ARHGEF10L: variants seen among roughly 807,000 people sequenced by gnomAD.
ARHGEF10L encodes the protein Rho guanine nucleotide exchange factor 10 like.
Under a neutral mutation model 141.2 loss-of-function variants are expected in ARHGEF10L, and 69 were observed. The ratio of observed to expected loss-of-function variants is 0.49; its 90% CI spans 0.40 to 0.60. The LOEUF (loss-of-function observed/expected upper bound fraction) is 0.60. Ranked by LOEUF, ARHGEF10L falls within the 20% of genes least tolerant of loss-of-function variation. The pLI is 0.00. For synonymous variants in ARHGEF10L, 711 were observed against 718.5 expected, an observed-to-expected ratio of 0.99 and a Z score of 0.17; for missense variants, 1,482 against 1,734.3, an observed-to-expected ratio of 0.85 and a Z score of 2.58.
At chr1:17,527,179 C>A in the ARHGEF10L span, among the ~76,000 whole-genome samples, 4 of 152,208 alleles carry the variant, frequency 2.6e-5, no homozygotes, top group African/African-American at 7.2e-5. Flanking sequence ...AACTAGAAAC[C>A]CTGGGCTCTG....
At chr1:17,655,476 CATCT>C (rs906800716) in intron 23 of ARHGEF10L, among the ~76,000 whole-genome samples, 1 of 106,040 alleles carries the variant, frequency 9.4e-6, no homozygotes, top group Non-Finnish European at 2.2e-5. Context: ...TCCATCCATC[CATCT>C]ATCCATCCAT....
chr1:17,647,138 C>G (rs1056810271), intron 21 of ARHGEF10L, among the ~76,000 whole-genome samples: 2 of 152,134 alleles, frequency 1.3e-5, no homozygotes, highest in Non-Finnish European at 2.9e-5. Flanking sequence ...CAGGCCTCTG[C>G]GATGGAGCAT....
chr1:17,640,353 G>A (rs758128288), intron 21 of ARHGEF10L, 51 bp downstream of exon 21: 13 of 1,509,230 alleles, frequency 8.6e-6, no homozygotes, highest in South Asian at 2.4e-5. Context: ...TGTGGAACGG[G>A]GAGGTTTGGG....
In ARHGEF10L at chr1:17,568,598, G is replaced by A. The variant is rs149180880; in HGVS notation, c.-43-11955G>A. Among the ~76,000 whole-genome samples the A allele has an allele frequency of 3.7e-3, 565 of 152,234 alleles. 3 individuals are homozygous for A. Among genetic ancestry groups the A allele is most frequent in the African/African-American group, 0.013 (532 of 41,528 alleles). On this transcript the variant is annotated intron_variant, in intron 1 of 28. Transcript: ENST00000361221. ...GTGGTGTCTCTGCCTGCAGGATGTC[G>A]GGGGGTGCTTGAAGCTCATTACACC...
upstream of ARHGEF10L, among the ~76,000 whole-genome samples, chr1:17,537,580 G>A (rs1351870358): frequency 6.6e-6 from 1 of 152,166 alleles, no homozygotes; most frequent in African/African-American, 2.4e-5. Flanking sequence ...AGGGAATGGA[G>A]GAGGCCATGT....
chr1:17,622,932 A>G (rs2060183694), intron 11 of ARHGEF10L, 64 bp from the exon 12 acceptor site: 3 of 1,533,346 alleles, frequency 2.0e-6, no homozygotes, highest in East Asian at 2.3e-5. Context: ...CGAGTTCTGC[A>G]TGAGGGCAGG....
At chr1:17,557,033 T>TAAA (rs370811589) in intron 1 of ARHGEF10L, among the ~76,000 whole-genome samples, 3 of 119,080 alleles carry the variant, frequency 2.5e-5, no homozygotes, top group Admixed American at 8.7e-5. Flanking sequence ...CTCCATCTCT[T>TAAA]AAAAAAAAAA....
Position 17,603,393 on chromosome 1 carries a change from C to A in ARHGEF10L, c.350-115C>A. 2.7e-6 allele frequency: 2 copies of A among 731,146 alleles called. No homozygotes were observed. Among genetic ancestry groups the A allele is most frequent in the Non-Finnish European group, 4.4e-6 (2 of 458,956 alleles). The allele number at this position is 731,146 out of a possible 1,614,324, so 45.3% of individuals were successfully genotyped here. ...GGAGCTAAGGGCTGGGCTGGGCTAT[C>A]AGAAAGGAGGGTGCTGCGTGCCACC... On this transcript the variant is annotated intron_variant, in intron 5 of 28. Transcript: ENST00000361221. This position sits in a 1 kb window ranked among gnomAD's most constrained non-coding sequence, Gnocchi z 4.8.
intron 1 of ARHGEF10L, among the ~76,000 whole-genome samples, chr1:17,555,547 G>A (rs1345757081): frequency 2.0e-5 from 3 of 152,114 alleles, no homozygotes; most frequent in Admixed American, 6.5e-5. Flanking sequence ...TAGAGACGGG[G>A]TTTCTCCATG....
At chr1:17,661,039 CAG>C (rs1393091048) in intron 25 of ARHGEF10L, among the ~76,000 whole-genome samples, 1 of 152,124 alleles carries the variant, frequency 6.6e-6, no homozygotes, top group African/African-American at 2.4e-5. Flanking sequence ...GTCTCTTGTT[CAG>C]GATCCCACCA....
At chr1:17,696,796 C>T (rs1158410787) in intron 28 of ARHGEF10L, 52 bp from the exon 29 acceptor site, 4 of 1,492,138 alleles carry the variant, frequency 2.7e-6, no homozygotes, top group Non-Finnish European at 3.6e-6. Flanking sequence ...AGGTGCTTCC[C>T]TTAATGCGCT....
chr1:17,585,753 CCATCTGTT>C (rs2078971753), intron 2 of ARHGEF10L, among the ~76,000 whole-genome samples: 1 of 152,156 alleles, frequency 6.6e-6, no homozygotes, highest in African/African-American at 2.4e-5. Flanking sequence ...GTCCATCTGT[CCATCTGTT>C]CATCTGCTGG....
At chr1:17,696,739 T>C in intron 28 of ARHGEF10L, 109 bp from the exon 29 acceptor site, 2 of 1,172,922 alleles carry the variant, frequency 1.7e-6, no homozygotes, top group Non-Finnish European at 2.3e-6. Flanking sequence ...TAGACAGAAG[T>C]GACCCCCCCA....
intron 4 of ARHGEF10L, among the ~76,000 whole-genome samples, 169 bp from the exon 5 acceptor site, chr1:17,601,958 G>C (rs1242193700): frequency 6.6e-6 from 1 of 152,208 alleles, no homozygotes; most frequent in Non-Finnish European, 1.5e-5. Flanking sequence ...GCCTTCTAAA[G>C]ATGAGGAGCC....
chr1:17,615,107 C>G lies in ARHGEF10L; in HGVS notation c.727-987C>G, dbSNP rs2059737129. On this transcript the variant is annotated intron_variant, in intron 8 of 28. Coordinates refer to ENST00000361221, the MANE Select transcript of ARHGEF10L (RefSeq NM_018125.4). This position sits in a 1 kb window ranked among gnomAD's most constrained non-coding sequence, Gnocchi z 4.7. ...AATATAATTAGAAATTTGGGTGCTT[C>G]CTCGCACCAGCACATTTCAAGTGCT... 6.6e-6 allele frequency: 1 copy of G among 152,242 alleles called. No homozygotes were observed. Among genetic ancestry groups the G allele is most frequent in the African/African-American group, 2.4e-5 (1 of 41,456 alleles). The allele number at this position is 152,242 out of a possible 1,614,324, so 9.4% of individuals were successfully genotyped here.
chr1:17,671,334 A>C (rs766768749), intron 26 of ARHGEF10L, among the ~76,000 whole-genome samples: 191 of 152,176 alleles, frequency 1.3e-3, no homozygotes, highest in Non-Finnish European at 2.4e-3. Context: ...GTCCCCTCCC[A>C]AGAGAAGGGA....
In ARHGEF10L at chr1:17,631,637, C is replaced by T. The variant is rs145466533; in HGVS notation, c.1585-684C>T. Reference sequence around the variant, plus strand: ...TCAGGCCATGACCTGTGTCATCACACGTGACCCGTGTCATCACACGTGACC... The same window carrying T: ...TCAGGCCATGACCTGTGTCATCACATGTGACCCGTGTCATCACACGTGACC... On this transcript the variant is annotated intron_variant, in intron 15 of 28. Coordinates refer to ENST00000361221, the MANE Select transcript of ARHGEF10L (RefSeq NM_018125.4). 5.1e-3 allele frequency among the ~76,000 whole-genome samples: 771 copies of T among 152,322 alleles called. 7 individuals carry two copies. The highest frequency in any genetic ancestry group is 0.017 in the African/African-American group (705 of 41,562).
At chr1:17,664,687 C>G in intron 26 of ARHGEF10L, 92 bp downstream of exon 26, 2 of 1,384,828 alleles carry the variant, frequency 1.4e-6, no homozygotes, top group Non-Finnish European at 1.9e-6. Flanking sequence ...CTTTCAGCTC[C>G]CAGTGGCATT....
Position 17,656,162 on chromosome 1 carries a change from G to T in ARHGEF10L, c.2705+60G>T. 6.6e-7 allele frequency: 1 copy of T among 1,512,678 alleles called. No individual in the cohort carries two copies. The highest frequency in any genetic ancestry group is 1.2e-5 in the South Asian group (1 of 82,320). 93.7% of individuals were successfully genotyped at this position (1,512,678 alleles called of 1,614,324 possible). On this transcript the variant is annotated intron_variant, in intron 24 of 28. Coordinates refer to ENST00000361221, the MANE Select transcript of ARHGEF10L (RefSeq NM_018125.4). This position sits in a 1 kb window ranked among gnomAD's most constrained non-coding sequence, Gnocchi z 4.9. ...CTGCAGGGCTGGGCAGTGGGTGGGG[G>T]CTGTCCCTGTAGCCTTCCGGATCTG...
Sources: allele counts gnomAD v4.1 joint callset (sites outside exome capture counted in the v4.1 genomes callset), GRCh38; gene constraint gnomAD v4.1.1; non-coding constraint Gnocchi (gnomAD v3.1); transcripts MANE v1.5; gene names NCBI Gene and HGNC (gene_info 2026-07-23, HGNC 2026-07-21).